Variants in MMP26 observed in about 807,000 individuals in gnomAD.
MMP26 encodes the protein matrix metalloproteinase-26.
In MMP26, 33 loss-of-function variants were observed where a neutral mutation model predicts 31.0. The ratio of observed to expected loss-of-function variants is 1.06; its 90% CI spans 0.81 to 1.42. The LOEUF is 1.42. Ranked by LOEUF, MMP26 falls within the 40% of genes most tolerant of loss-of-function variation. The pLI, the probability that MMP26 is intolerant of heterozygous loss-of-function variation, is 0.00. For synonymous variants in MMP26, 122 were observed against 114.9 expected (o/e 1.06, Z -0.40); for missense variants, 347 against 316.1 (o/e 1.10, Z -0.74).
Position 4,816,512 on chromosome 11 carries a change from T to A in MMP26, c.-145+49171T>A, listed in dbSNP as rs558857910. ...TCTCTTTAAGTCATTTGTGAGATAA[T>A]TAAAAAAAAAAGCTTTTCTTTATCC... On this transcript the variant is annotated intron_variant, in intron 2 of 7. Coordinates refer to ENST00000380390, the MANE Select transcript of MMP26 (RefSeq NM_021801.5). Among the ~76,000 whole-genome samples, 14 of 135,106 alleles carry A rather than the reference T, an allele frequency of 1.0e-4. No homozygotes were observed. In the South Asian group the frequency reaches 2.6e-3, roughly 25 times the overall value. The allele number at this position is 135,106 out of a possible 152,430, so 88.6% of individuals were successfully genotyped here.
intron 2 of MMP26, among the ~76,000 whole-genome samples, chr11:4,955,945 G>A (rs1846437592): frequency 6.6e-6 from 1 of 152,164 alleles, no homozygotes; most frequent in African/African-American, 2.4e-5. Context: ...AATGCATTGG[G>A]AAAATTATTT....
At chr11:4,908,159 G>T (rs1338615886) in intron 2 of MMP26, 2 of 1,614,040 alleles carry the variant, frequency 1.2e-6, no homozygotes, top group Non-Finnish European at 1.7e-6. Flanking sequence ...GCATCACTTT[G>T]CCAAGCACAA....
chr11:4,792,590 C>CTG (rs1849043076), intron 2 of MMP26, among the ~76,000 whole-genome samples: 1 of 152,158 alleles, frequency 6.6e-6, no homozygotes, highest in Non-Finnish European at 1.5e-5. Flanking sequence ...TAAGAGAACA[C>CTG]ACACCCCTCA....
chr11:4,853,968 G>T (rs1341374270), intron 2 of MMP26, among the ~76,000 whole-genome samples: 2 of 152,194 alleles, frequency 1.3e-5, no homozygotes, highest in Non-Finnish European at 2.9e-5. Flanking sequence ...TGCAGAGTTG[G>T]TTTTGTATTT....
At chr11:4,846,440 T>G (rs1589917836) in intron 2 of MMP26, among the ~76,000 whole-genome samples, 1 of 152,220 alleles carries the variant, frequency 6.6e-6, no homozygotes, top group East Asian at 1.9e-4. Context: ...TGAGCATGGT[T>G]AATGGGTATA....
intron 2 of MMP26, among the ~76,000 whole-genome samples, chr11:4,926,172 C>T (rs199977602): frequency 1.1e-5 from 1 of 92,976 alleles, no homozygotes; most frequent in Non-Finnish European, 2.5e-5. Context: ...AAAATAATAA[C>T]AATTTAATAT....
At chr11:4,933,758 A>G (rs1211268658) in intron 2 of MMP26, among the ~76,000 whole-genome samples, 4 of 130,140 alleles carry the variant, frequency 3.1e-5, no homozygotes, top group South Asian at 2.4e-4. Context: ...AGAGTGTGAT[A>G]TTCCCCTTCC....
intron 1 of MMP26, among the ~76,000 whole-genome samples, chr11:4,763,427 C>T (rs1024238892): frequency 6.6e-6 from 1 of 152,138 alleles, no homozygotes; most frequent in African/African-American, 2.4e-5. Context: ...AAGAATATTG[C>T]CTTAATTACT....
At chr11:4,963,149 A>C (rs1356253569) in intron 2 of MMP26, among the ~76,000 whole-genome samples, 1 of 152,190 alleles carries the variant, frequency 6.6e-6, no homozygotes, top group Non-Finnish European at 1.5e-5. Flanking sequence ...TACGAAGAGA[A>C]TAAAATACTT....
chr11:4,968,473 T>C (rs1466706776), intron 2 of MMP26, among the ~76,000 whole-genome samples: 1 of 151,750 alleles, frequency 6.6e-6, no homozygotes, highest in Non-Finnish European at 1.5e-5. Context: ...AAGGCAACAT[T>C]TTCAAAAATA....
At chr11:4,929,054 C>T (rs1179396379) in intron 2 of MMP26, among the ~76,000 whole-genome samples, 5 of 152,120 alleles carry the variant, frequency 3.3e-5, no homozygotes, top group Non-Finnish European at 5.9e-5. Flanking sequence ...TGCCGAAGCT[C>T]GTTAAGTGAA....
intron 2 of MMP26, among the ~76,000 whole-genome samples, chr11:4,774,091 A>G (rs1848760952): frequency 6.6e-6 from 1 of 152,222 alleles, no homozygotes; most frequent in African/African-American, 2.4e-5. Context: ...ACAATGCTGC[A>G]ATGAACATAC....
At chr11:4,894,010 A>G (rs1850666111) in intron 2 of MMP26, among the ~76,000 whole-genome samples, 1 of 152,190 alleles carries the variant, frequency 6.6e-6, no homozygotes, top group East Asian at 1.9e-4. Context: ...GCAATATACA[A>G]AATACATAAA....
chr11:4,891,433 G>A lies in MMP26; in HGVS notation c.-144-96635G>A, dbSNP rs59844966. 8.9e-3 allele frequency among the ~76,000 whole-genome samples: 1,349 copies of A among 152,180 alleles called. 22 individuals are homozygous for A. The highest frequency in any genetic ancestry group is 0.03 in the African/African-American group (1,234 of 41,514). On this transcript the variant is annotated intron_variant, in intron 2 of 7. Coordinates refer to ENST00000380390, the MANE Select transcript of MMP26 (RefSeq NM_021801.5). Reference sequence around the variant, plus strand: ...CAAGAGGACAGTACCAAGCCATGAGGGATCTGTCCCCATGACCTAAACACC... The same window carrying A: ...CAAGAGGACAGTACCAAGCCATGAGAGATCTGTCCCCATGACCTAAACACC...
chr11:4,810,419 A>C (rs2133460831), intron 2 of MMP26, among the ~76,000 whole-genome samples: 1 of 152,296 alleles, frequency 6.6e-6, no homozygotes, highest in Middle Eastern at 3.4e-3. Context: ...GTGTATATCA[A>C]ATTATGAATC....
At chr11:4,762,411 A>T (rs1285462161) in intron 1 of MMP26, among the ~76,000 whole-genome samples, 2 of 152,058 alleles carry the variant, frequency 1.3e-5, no homozygotes, top group Non-Finnish European at 2.9e-5. Context: ...CAATATTTTG[A>T]TGTAGAGTTA....
intron 2 of MMP26, among the ~76,000 whole-genome samples, chr11:4,921,349 T>C (rs1190890299): frequency 6.6e-6 from 1 of 152,004 alleles, no homozygotes; most frequent in African/African-American, 2.4e-5. Flanking sequence ...CCAGCATGAG[T>C]AAGTGGACTA....
At chr11:4,880,257 G>A (rs1453958649) in intron 2 of MMP26, among the ~76,000 whole-genome samples, 1 of 152,136 alleles carries the variant, frequency 6.6e-6, no homozygotes, top group East Asian at 1.9e-4. Context: ...CTGAAGAGAA[G>A]TTGGTGGTGT....
intron 2 of MMP26, among the ~76,000 whole-genome samples, chr11:4,817,759 A>G (rs1292149195): frequency 1.3e-5 from 2 of 152,174 alleles, no homozygotes; most frequent in Non-Finnish European, 2.9e-5. Context: ...ATCTCCTGGG[A>G]ATTTCTAGTC....
Sources: allele counts gnomAD v4.1 joint callset (sites outside exome capture counted in the v4.1 genomes callset), GRCh38; gene constraint gnomAD v4.1.1; transcripts MANE v1.5; gene names NCBI Gene and HGNC (gene_info 2026-07-23, HGNC 2026-07-21).